ZFAND3: variants seen among roughly 807,000 people sequenced by gnomAD.
The protein encoded by ZFAND3 is AN1-type zinc finger protein 3.
ZFAND3 carries 10 observed loss-of-function variants against 29.6 expected under a neutral mutation model. That is an observed-to-expected ratio of 0.34 (90% CI 0.21 to 0.57). The LOEUF is 0.57. Among genes scored for constraint, ZFAND3 ranks in the 20% least tolerant of loss-of-function variants. The probability of loss-of-function intolerance (pLI) is 0.86; values close to 1 mark genes in which losing one functional copy is unlikely to be tolerated. For missense variants in ZFAND3, 230 were observed against 304.5 expected, an observed-to-expected ratio of 0.76 and a Z score of 1.82; for synonymous variants, 128 against 112.6, an observed-to-expected ratio of 1.14 and a Z score of -0.87.
chr6:37,932,043 G>A (rs1192068427), intron 2 of ZFAND3, among the ~76,000 whole-genome samples: 2 of 152,162 alleles, frequency 1.3e-5, no homozygotes, highest in Non-Finnish European at 2.9e-5. Context: ...GGCCGAGGTG[G>A]GTGGACCACG....
chr6:37,846,274 G>A (rs1179657019), intron 1 of ZFAND3, among the ~76,000 whole-genome samples: 1 of 152,110 alleles, frequency 6.6e-6, no homozygotes, highest in Admixed American at 6.5e-5. Flanking sequence ...ATTCCACTAA[G>A]AACCCAAGCC....
At chr6:38,068,434 A>C (rs1764387323) in intron 3 of ZFAND3, among the ~76,000 whole-genome samples, 1 of 152,104 alleles carries the variant, frequency 6.6e-6, no homozygotes, top group Non-Finnish European at 1.5e-5. Flanking sequence ...TGCTGTGGAG[A>C]CCCAATGGCC....
At chr6:37,852,219 G>A (rs555349629) in intron 1 of ZFAND3, among the ~76,000 whole-genome samples, 26 of 152,296 alleles carry the variant, frequency 1.7e-4, no homozygotes, top group African/African-American at 5.8e-4. Context: ...GAGGAGGATG[G>A]ATTTGTCTTC....
At chr6:38,027,655 C>G (rs1237860814) in intron 2 of ZFAND3, among the ~76,000 whole-genome samples, 4 of 152,116 alleles carry the variant, frequency 2.6e-5, no homozygotes, top group Non-Finnish European at 5.9e-5. Context: ...TGAAGAAAAA[C>G]TGTTCTTCAT....
chr6:37,862,000 CTTTCTT>C (rs1201797876), intron 1 of ZFAND3, among the ~76,000 whole-genome samples: 1 of 152,106 alleles, frequency 6.6e-6, no homozygotes, highest in African/African-American at 2.4e-5. Context: ...TCATAACATT[CTTTCTT>C]ATTAAGTTGG....
chr6:37,859,636 T>A (rs1197339119), intron 1 of ZFAND3, among the ~76,000 whole-genome samples: 1 of 152,094 alleles, frequency 6.6e-6, no homozygotes, highest in African/African-American at 2.4e-5. Flanking sequence ...GACCTTCAGG[T>A]GAGGCTTTGA....
At chr6:38,128,018 G>C (rs1005771537) in intron 5 of ZFAND3, among the ~76,000 whole-genome samples, 2 of 152,114 alleles carry the variant, frequency 1.3e-5, no homozygotes, top group African/African-American at 4.8e-5. Flanking sequence ...ACTTCTTCTT[G>C]TTAGTTCAGC....
intron 2 of ZFAND3, among the ~76,000 whole-genome samples, chr6:38,055,472 G>T (rs948530849): frequency 2.6e-5 from 4 of 152,174 alleles, no homozygotes. Flanking sequence ...CCTAGCTCTA[G>T]CATTTGTTAA....
intron 1 of ZFAND3, among the ~76,000 whole-genome samples, chr6:37,902,467 G>A (rs1370537246): frequency 6.6e-6 from 1 of 151,958 alleles, no homozygotes; most frequent in East Asian, 1.9e-4. Flanking sequence ...TCTAGCCTGA[G>A]TGGCAGAGTG....
At chr6:37,947,069 G>A (rs898384113) in intron 2 of ZFAND3, among the ~76,000 whole-genome samples, 1 of 152,138 alleles carries the variant, frequency 6.6e-6, no homozygotes, top group Non-Finnish European at 1.5e-5. Context: ...TATGTTATGT[G>A]CACCTAACCC....
In ZFAND3 at chr6:38,041,623, ATCTACTTTTTCTTCTTCTTCT is replaced by A. The variant is rs1319307960; in HGVS notation, c.113-19966_113-19946del. 7.9e-4 allele frequency among the ~76,000 whole-genome samples: 81 copies of A among 102,428 alleles called. 6 individuals are homozygous for A. Among genetic ancestry groups the A allele is most frequent in the Non-Finnish European group, 9.4e-4 (42 of 44,790 alleles). The allele number at this position is 102,428 out of a possible 152,430, so 67.2% of individuals were successfully genotyped here. ...TTTGTGATGTCACCACTGTTTTTTT[ATCTACTTTTTCTTCTTCTTCT>A]TCTTCTTCTTCTTCTTCTTCTTCTT... is the stretch of plus-strand genomic sequence containing the variant. On this transcript the variant is annotated intron_variant, in intron 2 of 5. Transcript: ENST00000287218.
At chr6:37,904,505 T>G (rs1453287090) in intron 1 of ZFAND3, among the ~76,000 whole-genome samples, 1 of 152,194 alleles carries the variant, frequency 6.6e-6, no homozygotes, top group African/African-American at 2.4e-5. Flanking sequence ...CTCAGCCCAA[T>G]GAAAATGTGG....
intron 1 of ZFAND3, among the ~76,000 whole-genome samples, chr6:37,850,932 C>T (rs1457339883): frequency 6.6e-6 from 1 of 151,774 alleles, no homozygotes; most frequent in Non-Finnish European, 1.5e-5. Context: ...TGTTTCCCAC[C>T]CCATTAGTCA....
intron 4 of ZFAND3, among the ~76,000 whole-genome samples, chr6:38,112,025 A>G (rs6918445): frequency 0.03 from 4,505 of 152,302 alleles, 175 homozygotes; most frequent in African/African-American, 0.085. Flanking sequence ...TCGAAAATTA[A>G]GCGCAGTTAC....
chr6:37,940,553 T>A (rs1761793323), intron 2 of ZFAND3, among the ~76,000 whole-genome samples: 1 of 152,170 alleles, frequency 6.6e-6, no homozygotes, highest in African/African-American at 2.4e-5. Flanking sequence ...ATTTTTTTTT[T>A]AATTTATAAA....
At chr6:37,858,809 C>T (rs1316155800) in intron 1 of ZFAND3, among the ~76,000 whole-genome samples, 1 of 152,150 alleles carries the variant, frequency 6.6e-6, no homozygotes, top group Non-Finnish European at 1.5e-5. Context: ...TGTGTTTACT[C>T]CTTGAGGATT....
At chr6:38,081,378 C>T (rs1764659043) in intron 3 of ZFAND3, among the ~76,000 whole-genome samples, 1 of 152,040 alleles carries the variant, frequency 6.6e-6, no homozygotes, top group Non-Finnish European at 1.5e-5. Flanking sequence ...GGTGGGCTCT[C>T]CAAGTCCTTA....
intron 2 of ZFAND3, among the ~76,000 whole-genome samples, chr6:38,043,801 C>CTTATTTATTTATTTAT (rs148013161): frequency 4.0e-5 from 6 of 150,344 alleles, no homozygotes; most frequent in African/African-American, 1.5e-4. Flanking sequence ...TGCTCGCTTG[C>CTTATTTATTTATTTAT]TTATTTATTT....
intron 2 of ZFAND3, among the ~76,000 whole-genome samples, chr6:37,940,714 A>G (rs1410776751): frequency 6.6e-6 from 1 of 152,268 alleles, no homozygotes; most frequent in Non-Finnish European, 1.5e-5. Flanking sequence ...GGAGCAAGAA[A>G]GAGAGAGTGA....
Sources: allele counts gnomAD v4.1 joint callset (sites outside exome capture counted in the v4.1 genomes callset), GRCh38; gene constraint gnomAD v4.1.1; transcripts MANE v1.5; gene names NCBI Gene and HGNC (gene_info 2026-07-23, HGNC 2026-07-21).